Variants in BMAL2 observed in about 807,000 individuals in gnomAD.
BMAL2 encodes basic helix-loop-helix ARNT-like protein 2.
the BMAL2 span, among the ~76,000 whole-genome samples, chr12:27,369,600 C>A: frequency 6.6e-6 from 1 of 152,178 alleles, no homozygotes; most frequent in East Asian, 1.9e-4. Flanking sequence ...TCCCACTTAT[C>A]TTGAACTGAA....
the BMAL2 span, among the ~76,000 whole-genome samples, chr12:27,406,868 C>A: frequency 6.6e-6 from 1 of 152,140 alleles, no homozygotes; most frequent in Non-Finnish European, 1.5e-5. Context: ...CAGAGACAAA[C>A]ATAGGCTCAC....
At chr12:27,410,998 A>G in the BMAL2 span, among the ~76,000 whole-genome samples, 2 of 152,176 alleles carry the variant, frequency 1.3e-5, no homozygotes. Flanking sequence ...AAATAGACAA[A>G]CTATCTTAAT....
At chr12:27,404,643 G>T in the BMAL2 span, among the ~76,000 whole-genome samples, 5 of 152,134 alleles carry the variant, frequency 3.3e-5, no homozygotes, top group Admixed American at 3.3e-4. Flanking sequence ...GGCCGAATAG[G>T]AACAGCTCCA....
the BMAL2 span, among the ~76,000 whole-genome samples, chr12:27,375,770 G>A: frequency 7.9e-5 from 12 of 152,232 alleles, no homozygotes; most frequent in South Asian, 6.2e-4. Context: ...CACTACCAAC[G>A]TATTTCATTT....
chr12:27,341,093 C>A, the BMAL2 span, among the ~76,000 whole-genome samples: 1 of 151,070 alleles, frequency 6.6e-6, no homozygotes, highest in African/African-American at 2.4e-5. Context: ...CTTGGATGCC[C>A]TTATTTCTTC....
the BMAL2 span, among the ~76,000 whole-genome samples, chr12:27,351,114 G>A: frequency 0.89 from 134,442 of 151,798 alleles, 59,637 homozygotes; most frequent in East Asian, 1. Flanking sequence ...TCAGCCTCCC[G>A]AGTAGCTGGG....
the BMAL2 span, among the ~76,000 whole-genome samples, chr12:27,369,336 G>A: frequency 6.6e-6 from 1 of 151,964 alleles, no homozygotes; most frequent in Non-Finnish European, 1.5e-5. Flanking sequence ...TTACAAAGTG[G>A]GCACATGCTA....
At chr12:27,380,262 A>G in the BMAL2 span, 2 of 1,614,124 alleles carry the variant, frequency 1.2e-6, no homozygotes. Context: ...CTCATAGCCA[A>G]ACTGAAAAGC....
chr12:27,415,777 A>G, the BMAL2 span: 8 of 858,336 alleles, frequency 9.3e-6, no homozygotes, highest in Non-Finnish European at 1.5e-5. Flanking sequence ...TCCTCACTGT[A>G]TTTTTATTAG....
the BMAL2 span, among the ~76,000 whole-genome samples, chr12:27,376,860 C>T: frequency 4.2e-3 from 639 of 151,856 alleles, 8 homozygotes; most frequent in African/African-American, 0.014. Flanking sequence ...ATTAGCCGGG[C>T]GTGGTGGTGG....
the BMAL2 span, among the ~76,000 whole-genome samples, chr12:27,359,844 A>T: frequency 5.3e-5 from 8 of 152,010 alleles, no homozygotes; most frequent in Non-Finnish European, 8.8e-5. Context: ...TATTCCATGA[A>T]CTGAACACCA....
the BMAL2 span, chr12:27,332,923 C>G: frequency 2.5e-6 from 1 of 394,132 alleles, no homozygotes; most frequent in Non-Finnish European, 3.7e-6. Context: ...CGCCTACGGG[C>G]TGCGGTGGCG....
At chr12:27,352,150 T>C in the BMAL2 span, among the ~76,000 whole-genome samples, 1 of 152,318 alleles carries the variant, frequency 6.6e-6, no homozygotes, top group East Asian at 1.9e-4. Flanking sequence ...AATTTTAGGA[T>C]AAGTTCAAAG....
At chr12:27,421,239 C>T in the BMAL2 span, 1 of 152,118 alleles carries the variant, frequency 6.6e-6, no homozygotes, top group African/African-American at 2.4e-5. Flanking sequence ...GGATTAACCT[C>T]TGCATATAAG....
At chr12:27,386,556 C>T in the BMAL2 span, among the ~76,000 whole-genome samples, 1 of 152,202 alleles carries the variant, frequency 6.6e-6, no homozygotes, top group Non-Finnish European at 1.5e-5. Flanking sequence ...TCTGCCCTGT[C>T]CTTCTACCTC....
At chr12:27,412,809 G>A in the BMAL2 span, among the ~76,000 whole-genome samples, 2 of 151,702 alleles carry the variant, frequency 1.3e-5, no homozygotes, top group African/African-American at 4.8e-5. Flanking sequence ...TAGATTAAAT[G>A]TAAAGAGATC....
chr12:27,373,670 A>G, the BMAL2 span, among the ~76,000 whole-genome samples: 1 of 152,208 alleles, frequency 6.6e-6, no homozygotes, highest in Non-Finnish European at 1.5e-5. Flanking sequence ...GCACGTTCCA[A>G]AAAGAGGAAT....
At chr12:27,346,155 C>T in the BMAL2 span, among the ~76,000 whole-genome samples, 1 of 152,112 alleles carries the variant, frequency 6.6e-6, no homozygotes, top group Non-Finnish European at 1.5e-5. Flanking sequence ...TACTAATTTC[C>T]CTCCCATGTT....
At chr12:27,355,475 T>C in the BMAL2 span, among the ~76,000 whole-genome samples, 2 of 152,194 alleles carry the variant, frequency 1.3e-5, no homozygotes, top group African/African-American at 4.8e-5. Context: ...TCCATCCACT[T>C]CCCAGAGTTC....
Sources: allele counts gnomAD v4.1 joint callset (sites outside exome capture counted in the v4.1 genomes callset), GRCh38; gene constraint gnomAD v4.1.1; transcripts MANE v1.5; gene names NCBI Gene and HGNC (gene_info 2026-07-23, HGNC 2026-07-21).